CBX1: variants seen among roughly 807,000 people sequenced by gnomAD.
CBX1 encodes chromobox protein homolog 1.
A neutral mutation model predicts 25.1 loss-of-function variants in CBX1; 10 were observed. The ratio of observed to expected loss-of-function variants is 0.40; its 90% CI spans 0.25 to 0.68. The LOEUF (loss-of-function observed/expected upper bound fraction) is 0.68. Among genes scored for constraint, CBX1 ranks in the 30% least tolerant of loss-of-function variants. The pLI, the probability that CBX1 is intolerant of heterozygous loss-of-function variation, is 0.40. For missense variants in CBX1, 106 were observed against 218.5 expected, an observed-to-expected ratio of 0.49 and a Z score of 3.25; for synonymous variants, 63 against 79.4, an observed-to-expected ratio of 0.79 and a Z score of 1.10.
At chr17:48,075,909 A>C in intron 3 of CBX1, 92 bp downstream of exon 3, 2 of 947,468 alleles carry the variant, frequency 2.1e-6, no homozygotes, top group Non-Finnish European at 3.1e-6. Flanking sequence ...CTAAGAAGAG[A>C]CAGCTGCTAA....
At chr17:48,077,256 CT>C (rs57789313) in intron 1 of CBX1, among the ~76,000 whole-genome samples, 370 of 141,458 alleles carry the variant, frequency 2.6e-3, no homozygotes, top group Middle Eastern at 3.6e-3. Context: ...TTACAGCAAA[CT>C]TTTTTTTTTT....
intron 1 of CBX1, 126 bp downstream of exon 1, chr17:48,101,142 C>T: frequency 1.0e-6 from 1 of 986,606 alleles, no homozygotes; most frequent in African/African-American, 1.7e-5. Context: ...AAGCAGGACG[C>T]TGGACCCGGG....
intron 1 of CBX1, among the ~76,000 whole-genome samples, chr17:48,083,572 C>T (rs2037758361): frequency 6.6e-6 from 1 of 150,424 alleles, no homozygotes; most frequent in African/African-American, 2.5e-5. Flanking sequence ...CCTGTAATCC[C>T]AGTAATTTGG....
chr17:48,092,194 T>C (rs2144463572), intron 1 of CBX1, among the ~76,000 whole-genome samples: 1 of 151,650 alleles, frequency 6.6e-6, no homozygotes, highest in South Asian at 2.1e-4. Flanking sequence ...TTCTCCATGT[T>C]GGTCAGGCTG....
rs969505366 is a variant in CBX1, at chr17:48,089,694, A to G, written c.-38+11574T>C. Reference sequence around the variant, plus strand: ...CAAAATTAGCTGGGCGTGGTGGCACATATCTGTAATCCCAGCTACTCGGGA... The same window carrying G: ...CAAAATTAGCTGGGCGTGGTGGCACGTATCTGTAATCCCAGCTACTCGGGA... On this transcript the variant is annotated intron_variant, in intron 1 of 4. Coordinates refer to ENST00000225603, the MANE Select transcript of CBX1 (RefSeq NM_001127228.2). Among the ~76,000 whole-genome samples, 145 of 147,032 alleles carry G rather than the reference A, an allele frequency of 9.9e-4. 1 individual carries two copies. Among genetic ancestry groups the G allele is most frequent in the Non-Finnish European group, 1.3e-3 (88 of 66,844 alleles).
rs372091793 is a variant in CBX1 at position 48,101,422 on chromosome 17, C to G, written c.-192G>C. The stretch of plus-strand genomic sequence containing the variant: ...GCGGCGTACCGCAGGCCCCGGCCAA[C>G]GGCCCTCCCCTCAGCCGAACAAAAG... On this transcript the variant is annotated 5_prime_UTR_variant, in exon 1 of 5. Transcript: ENST00000225603. The G allele has an allele frequency of 8.2e-5, 81 of 985,540 alleles. 1 individual carries two copies. In the East Asian group the frequency reaches 7.4e-3, roughly 90 times the overall value. 61.0% of individuals were successfully genotyped at this position (985,540 alleles called of 1,614,324 possible).
chr17:48,080,355 G>C (rs1260178997), intron 1 of CBX1, among the ~76,000 whole-genome samples: 1 of 151,982 alleles, frequency 6.6e-6, no homozygotes, highest in Non-Finnish European at 1.5e-5. Flanking sequence ...TTTGACTTCT[G>C]ACAGACTTAA....
chr17:48,073,824 C>CAAAAAAAAAAAAAAAAAAAAACAAAAA (rs60857566), intron 4 of CBX1, among the ~76,000 whole-genome samples: 1 of 82,500 alleles, frequency 1.2e-5, no homozygotes, highest in Non-Finnish European at 2.2e-5. Context: ...GAGACTGTCT[C>CAAAAAAAAAAAAAAAAAAAAACAAAAA]AAAAAAAAAA....
chr17:48,081,794 T>A (rs370108404), intron 1 of CBX1, among the ~76,000 whole-genome samples: 1 of 152,118 alleles, frequency 6.6e-6, no homozygotes, highest in African/African-American at 2.4e-5. Flanking sequence ...AAGAAGAATA[T>A]AGAAAACAGA....
Position 48,097,609 on chromosome 17 carries a change from T to C in CBX1, c.-38+3659A>G, listed in dbSNP as rs185539666. Among the ~76,000 whole-genome samples, 73 of 148,818 alleles carry C rather than the reference T, an allele frequency of 4.9e-4. 1 individual carries two copies. Among genetic ancestry groups the C allele is most frequent in the Admixed American group, 1.3e-3 (20 of 14,888 alleles). ...TCCAGCTTTGGCGACAGAGCGAGAC[T>C]CTGTCTCAAAAAAAAAAAAAAAAAA... On this transcript the variant is annotated intron_variant, in intron 1 of 4. Transcript: ENST00000225603.
intron 1 of CBX1, among the ~76,000 whole-genome samples, chr17:48,095,435 CA>C (rs1268634485): frequency 6.6e-6 from 1 of 151,872 alleles, no homozygotes; most frequent in Non-Finnish European, 1.5e-5. Context: ...ACTAAAAATG[CA>C]AAATTAGCTG....
chr17:48,087,992 T>C (rs540599602), intron 1 of CBX1, among the ~76,000 whole-genome samples: 1 of 151,668 alleles, frequency 6.6e-6, no homozygotes, highest in Non-Finnish European at 1.5e-5. Context: ...CTAATTAAAA[T>C]CATATATTAA....
At chr17:48,089,257 C>A (rs1484566029) in intron 1 of CBX1, among the ~76,000 whole-genome samples, 2 of 151,252 alleles carry the variant, frequency 1.3e-5, no homozygotes, top group African/African-American at 4.9e-5. Context: ...CCTGCCACCA[C>A]GCCCGGCTAA....
At chr17:48,096,983 G>A (rs769876652) in intron 1 of CBX1, among the ~76,000 whole-genome samples, 19 of 152,010 alleles carry the variant, frequency 1.2e-4, no homozygotes, top group Admixed American at 1.3e-4. Context: ...GGGCGTGGTG[G>A]CTCACGCCTG....
intron 1 of CBX1, among the ~76,000 whole-genome samples, chr17:48,085,825 G>A (rs995148446): frequency 3.3e-5 from 5 of 152,156 alleles, no homozygotes; most frequent in African/African-American, 1.2e-4. Context: ...CAGCACTCTG[G>A]GAGGCTGAGG....
intron 1 of CBX1, among the ~76,000 whole-genome samples, chr17:48,080,116 C>T (rs2037716569): frequency 6.6e-6 from 1 of 152,008 alleles, no homozygotes; most frequent in African/African-American, 2.4e-5. Flanking sequence ...TATCTCGGCT[C>T]ACCTACGCCT....
Position 48,071,372 on chromosome 17 carries a change from A to G in CBX1, c.*63T>C. ...ACCTCTATGGTGTCAAGACAAGTAGAACTCCTTCCCTTCCCACTTGAAACC... is the reference window on the plus strand; with the variant it reads ...ACCTCTATGGTGTCAAGACAAGTAGGACTCCTTCCCTTCCCACTTGAAACC... On this transcript the variant is annotated 3_prime_UTR_variant, in exon 5 of 5. Coordinates refer to ENST00000225603, the MANE Select transcript of CBX1 (RefSeq NM_001127228.2). The G allele has an allele frequency of 6.6e-7, 1 of 1,507,278 alleles. No individual in the cohort carries two copies. Among genetic ancestry groups the G allele is most frequent in the African/African-American group, 1.4e-5 (1 of 72,142 alleles). The allele number at this position is 1,507,278 out of a possible 1,614,324, so 93.4% of individuals were successfully genotyped here.
chr17:48,091,770 T>C (rs1370963015), intron 1 of CBX1, among the ~76,000 whole-genome samples: 2 of 151,512 alleles, frequency 1.3e-5, no homozygotes, highest in Non-Finnish European at 2.9e-5. Context: ...CTCAAACTCC[T>C]GACCTCAGGT....
intron 1 of CBX1, chr17:48,095,656 G>A (rs2063370552): frequency 6.6e-6 from 1 of 152,192 alleles, no homozygotes; most frequent in Non-Finnish European, 1.5e-5. Context: ...TGATCCATAA[G>A]CCCTAAAGAG....
Sources: allele counts gnomAD v4.1 joint callset (sites outside exome capture counted in the v4.1 genomes callset), GRCh38; gene constraint gnomAD v4.1.1; transcripts MANE v1.5; gene names NCBI Gene and HGNC (gene_info 2026-07-23, HGNC 2026-07-21).